The following MSMO1 variants were observed in gnomAD, a reference collection of about 807,000 sequenced individuals.
The protein encoded by MSMO1 is C-4 methylsterol oxidase.
MSMO1 carries 18 observed loss-of-function variants against 30.4 expected under a neutral mutation model. The observed-to-expected ratio is 0.59, with a 90% CI of 0.41 to 0.88. MSMO1 has a LOEUF of 0.88. MSMO1 is among the 40% of genes least tolerant of loss of function. The probability of loss-of-function intolerance (pLI) is 0.00; values close to 1 mark genes in which losing one functional copy is unlikely to be tolerated. For missense variants in MSMO1, 284 were observed against 340.5 expected (o/e 0.83, Z 1.31); for synonymous variants, 84 against 107.9 (o/e 0.78, Z 1.37).
chr4:165,339,096 C>CTTTTTTTTTTTTTTTT lies in MSMO1; in HGVS notation c.531+328_531+343dup, dbSNP rs869192459. Among the ~76,000 whole-genome samples the CTTTTTTTTTTTTTTTT allele has an allele frequency of 3.8e-4, 23 of 60,520 alleles. 5 individuals carry two copies. The highest frequency in any genetic ancestry group is 6.6e-4 in the East Asian group (1 of 1,512). The allele number at this position is 60,520 out of a possible 152,430, so 39.7% of individuals were successfully genotyped here. ...AAAACAGTAACTTCTATGAGCACTG[C>CTTTTTTTTTTTTTTTT]TTTTTTTTTTTTTTTTTTTTTTTTT... On this transcript the variant is annotated intron_variant, in intron 4 of 5. Transcript: ENST00000261507.
At chr4:165,337,233 T>G (rs1204071687) in intron 2 of MSMO1, among the ~76,000 whole-genome samples, 1 of 152,234 alleles carries the variant, frequency 6.6e-6, no homozygotes, top group South Asian at 2.1e-4. Flanking sequence ...CATGTTGATC[T>G]AACTTTTCTC....
At chr4:165,338,314 A>G (rs1384329848) in intron 3 of MSMO1, among the ~76,000 whole-genome samples, 1 of 130,226 alleles carries the variant, frequency 7.7e-6, no homozygotes, top group Non-Finnish European at 1.7e-5. Context: ...GTGTATATAT[A>G]TATATATATA....
intron 2 of MSMO1, among the ~76,000 whole-genome samples, chr4:165,337,446 A>G (rs1381923604): frequency 2.0e-5 from 3 of 152,238 alleles, no homozygotes; most frequent in African/African-American, 7.2e-5. Context: ...GTGGACACCC[A>G]ACAGTAATCT....
chr4:165,335,262 G>C (rs1747507629), intron 2 of MSMO1, among the ~76,000 whole-genome samples: 1 of 152,176 alleles, frequency 6.6e-6, no homozygotes, highest in African/African-American at 2.4e-5. Context: ...CTCTCCCAGA[G>C]TCTCACTTTA....
chr4:165,340,746 G>A (rs1165931461), intron 5 of MSMO1: 1 of 182,426 alleles, frequency 5.5e-6, no homozygotes, highest in Non-Finnish European at 1.2e-5. Context: ...CTTGCAAGAT[G>A]AAACTACTAC....
chr4:165,340,516 T>TA (rs1747688123), intron 5 of MSMO1, 141 bp downstream of exon 5: 2 of 734,794 alleles, frequency 2.7e-6, no homozygotes, highest in Non-Finnish European at 4.4e-6. Flanking sequence ...AACTGTTGGA[T>TA]AAAAGTTTAA....
At position 165,338,688 on chromosome 4, in the gene MSMO1, C is replaced by A; in HGVS notation, c.441C>A (p.Val147=). ...TGGCAAGATGCTTTGGTTGTGCAGT[C>A]ATTGAAGATACTTGGCACTATTTTC... ...FLLARCFGCA[V]IEDTWHYFLH... Residue 147 remains valine (V), a synonymous_variant, in exon 4 of 6, where the codon GTC becomes GTA. Coordinates refer to ENST00000261507, the MANE Select transcript of MSMO1 (RefSeq NM_006745.5). 6.2e-7 allele frequency: 1 copy of A among 1,608,818 alleles called. No individual in the cohort carries two copies.
chr4:165,332,491 C>T (rs967710841), intron 1 of MSMO1, among the ~76,000 whole-genome samples: 11 of 152,138 alleles, frequency 7.2e-5, no homozygotes, highest in Non-Finnish European at 1.0e-4. Context: ...TGTCTTTGTA[C>T]CCTTGAATGA....
rs747035033 is a variant in MSMO1, at chr4:165,338,798, A to C, written c.531+20A>C. 6.4e-7 allele frequency: 1 copy of C among 1,565,524 alleles called. No homozygotes were observed. Among genetic ancestry groups the C allele is most frequent in the South Asian group, 1.1e-5 (1 of 88,758 alleles). On this transcript the variant is annotated intron_variant, in intron 4 of 5. Coordinates refer to ENST00000261507, the MANE Select transcript of MSMO1 (RefSeq NM_006745.5). ...TTTCAGGTATGTGAGAGTTATATTT[A>C]ATTCTTTCTGTTAGAGGCAAAATGT...
At chr4:165,339,729 G>GAT (rs912718626) in intron 4 of MSMO1, among the ~76,000 whole-genome samples, 17 of 152,006 alleles carry the variant, frequency 1.1e-4, no homozygotes, top group African/African-American at 3.1e-4. Context: ...GCATAAATAG[G>GAT]ATATATATAT....
At chr4:165,329,876 C>T (rs1348186323) in intron 1 of MSMO1, among the ~76,000 whole-genome samples, 3 of 151,946 alleles carry the variant, frequency 2.0e-5, no homozygotes, top group Non-Finnish European at 2.9e-5. Context: ...CCTTGTGATC[C>T]GCCCACCTCA....
intron 5 of MSMO1, among the ~76,000 whole-genome samples, chr4:165,341,366 A>T (rs867481974): frequency 7.2e-5 from 11 of 152,168 alleles, no homozygotes; most frequent in African/African-American, 2.4e-4. Flanking sequence ...GACTTTTCCT[A>T]AAAAACATAT....
At chr4:165,340,964 A>C (rs1408563285) in intron 5 of MSMO1, among the ~76,000 whole-genome samples, 1 of 152,196 alleles carries the variant, frequency 6.6e-6, no homozygotes, top group Non-Finnish European at 1.5e-5. Context: ...TAAAGTGCTA[A>C]AGTAGCAAAA....
intron 4 of MSMO1, among the ~76,000 whole-genome samples, chr4:165,339,579 A>G (rs2126627578): frequency 6.6e-6 from 1 of 152,318 alleles, no homozygotes; most frequent in Middle Eastern, 3.4e-3. Context: ...TAAACCATCA[A>G]AGACAGCAAG....
At chr4:165,338,965 G>A (rs1375874729) in intron 4 of MSMO1, among the ~76,000 whole-genome samples, 187 bp downstream of exon 4, 1 of 151,988 alleles carries the variant, frequency 6.6e-6, no homozygotes, top group African/African-American at 2.4e-5. Context: ...AAATTTCATG[G>A]TAAATTGAGA....
intron 3 of MSMO1, among the ~76,000 whole-genome samples, chr4:165,338,379 C>T (rs762589186): frequency 3.3e-5 from 5 of 150,962 alleles, no homozygotes; most frequent in East Asian, 1.9e-4. Context: ...CGTCACTTAA[C>T]GGATATCTCT....
At chr4:165,332,475 C>T (rs1228151026) in intron 1 of MSMO1, among the ~76,000 whole-genome samples, 2 of 152,140 alleles carry the variant, frequency 1.3e-5, no homozygotes, top group South Asian at 2.1e-4. Context: ...TCCATCTTAG[C>T]GGATCTGTCT....
chr4:165,331,498 A>G (rs1209415558), intron 1 of MSMO1, among the ~76,000 whole-genome samples: 1 of 143,086 alleles, frequency 7.0e-6, no homozygotes, highest in Non-Finnish European at 1.6e-5. Flanking sequence ...AAGGCCTGTA[A>G]TGACACAGGA....
rs888249382 is a variant in MSMO1, at chr4:165,338,370, G to A, written c.405-282G>A. On this transcript the variant is annotated intron_variant, in intron 3 of 5. Coordinates refer to ENST00000261507, the MANE Select transcript of MSMO1 (RefSeq NM_006745.5). ...TACACACACATATATATACTCATGCGTCACTTAACGGATATCTCTTGAGAA... is the reference window on the plus strand; with the variant it reads ...TACACACACATATATATACTCATGCATCACTTAACGGATATCTCTTGAGAA... Among the ~76,000 whole-genome samples the A allele has an allele frequency of 6.6e-5, 10 of 150,910 alleles. 1 individual carries two copies. The South Asian group carries it at 1.0e-3, about 16-fold the overall frequency.
Sources: gnomAD v4.1 joint callset for allele counts (sites outside exome capture counted in the v4.1 genomes callset) on GRCh38, gnomAD v4.1.1 for gene constraint, MANE v1.5 for transcripts, NCBI Gene and HGNC (gene_info 2026-07-23, HGNC 2026-07-21) for gene names.